ZNF771: variants seen among roughly 807,000 people sequenced by gnomAD.
The protein encoded by ZNF771 is zinc finger protein 771, also known as mesenchymal stem cell protein DSC43.
A neutral mutation model predicts 27.6 loss-of-function variants in ZNF771; 10 were observed. That is an observed-to-expected ratio of 0.36 (90% CI 0.22 to 0.61). The LOEUF is 0.61. Among genes scored for constraint, ZNF771 ranks in the 20% least tolerant of loss-of-function variants. The probability of loss-of-function intolerance (pLI) is 0.70; values close to 1 mark genes in which losing one functional copy is unlikely to be tolerated. For synonymous variants in ZNF771, 261 were observed against 225.2 expected (o/e 1.16, Z -1.43); for missense variants, 438 against 503.7 (o/e 0.87, Z 1.25).
Position 30,417,848 on chromosome 16 carries a change from G to A in ZNF771, c.435G>A (p.Lys145=), listed in dbSNP as rs1257329008. 4.6e-6 allele frequency: 7 copies of A among 1,506,268 alleles called. No homozygotes were observed. In the African/African-American group the frequency reaches 8.7e-5, roughly 19 times the overall value. 93.3% of individuals were successfully genotyped at this position (1,506,268 alleles called of 1,614,324 possible). A position where few individuals can be genotyped will look rare whatever the true frequency, so the allele number is the denominator to read the frequency against. The change falls in exon 3 of 3, where the codon AAG becomes AAA. Residue 145 remains lysine, a synonymous_variant. Coordinates refer to ENST00000319296, the MANE Select transcript of ZNF771 (RefSeq NM_001142305.2). ...ACCGGCGGCGGCACACGGGCGAGAA[G>A]CCGTACGCATGCGCGCACTGCGGCC... ...RQHRRRHTGE[K]PYACAHCGRR...
At chr16:30,411,054 C>T (rs1450496099) in intron 2 of ZNF771, among the ~76,000 whole-genome samples, 1 of 151,300 alleles carries the variant, frequency 6.6e-6, no homozygotes, top group Non-Finnish European at 1.5e-5. Context: ...CGTGGTGGCT[C>T]ATGCCTGTAA....
Position 30,418,196 on chromosome 16 carries a change from C to T in ZNF771, c.783C>T (p.Cys261=). 1 of 1,505,020 alleles carries T rather than the reference C, an allele frequency of 6.6e-7. No individual in the cohort carries two copies. The highest frequency in any genetic ancestry group is 8.8e-7 in the Non-Finnish European group (1 of 1,133,646). The allele number at this position is 1,505,020 out of a possible 1,614,324, so 93.2% of individuals were successfully genotyped here. ...RTHTGERPYP[C]AECGRRFRLS... is the part of the protein sequence containing the mutation. ...ACACAGGCGAGCGGCCCTACCCCTG[C>T]GCCGAGTGCGGCCGCCGCTTCCGCC... Residue 261 remains cysteine (C), a synonymous_variant, in exon 3 of 3, where the codon TGC becomes TGT. Coordinates refer to ENST00000319296, the MANE Select transcript of ZNF771 (RefSeq NM_001142305.2).
rs973743186 is a variant in ZNF771 at position 30,417,632 on chromosome 16, G to T, written c.219G>T (p.Ala73=). The change falls in exon 3 of 3, where the codon GCG becomes GCT. Residue 73 remains alanine, a synonymous_variant. Transcript: ENST00000319296. ...HACPDCGRAF[A]RRSTLAKHAR... The stretch of plus-strand genomic sequence containing the variant: ...GCCCCGACTGCGGCCGCGCCTTCGC[G>T]CGCCGCTCCACGCTGGCGAAGCACG... 7.5e-6 allele frequency: 10 copies of T among 1,325,630 alleles called. No homozygotes were observed. In the African/African-American group the frequency reaches 1.5e-4, roughly 20 times the overall value. The allele number at this position is 1,325,630 out of a possible 1,614,324, so 82.1% of individuals were successfully genotyped here. A position where few individuals can be genotyped will look rare whatever the true frequency, so the allele number is the denominator to read the frequency against.
Position 30,418,102 on chromosome 16 carries a change from C to T in ZNF771, c.689C>T (p.Pro230Leu). The T allele has an allele frequency of 4.1e-6, 6 of 1,480,352 alleles. No individual in the cohort carries two copies. The highest frequency in any genetic ancestry group is 1.3e-5 in the South Asian group (1 of 77,384). The allele number at this position is 1,480,352 out of a possible 1,614,324, so 91.7% of individuals were successfully genotyped here. A position where few individuals can be genotyped will look rare whatever the true frequency, so the allele number is the denominator to read the frequency against. ...CGGCGCGTGCACACGGGCGAGAAGC[C>T]GCACCGCTGCGCTGTGTGTGGCCGT... ...KHRRVHTGEKPHRCAVCGRRF... is the reference protein window; with the variant it reads ...KHRRVHTGEKLHRCAVCGRRF... Residue 230 changes from proline (P) to leucine (L), a missense_variant, in exon 3 of 3, where the codon CCG (proline) becomes CTG (leucine). Physicochemically the swap from Pro to Leu is moderately conservative, Grantham distance 98. Around this residue, in one of 3 missense-constraint regions of ZNF771, gnomAD observed 305 missense variants for 308.0 expected, o/e 0.99. Coordinates refer to ENST00000319296, the MANE Select transcript of ZNF771 (RefSeq NM_001142305.2).
chr16:30,410,033 T>C (rs751725773), intron 2 of ZNF771, among the ~76,000 whole-genome samples: 15 of 152,114 alleles, frequency 9.9e-5, no homozygotes, highest in Non-Finnish European at 2.1e-4. Context: ...ACGGAAATAG[T>C]TGCTGTTACA....
rs2050087415 is a variant in ZNF771, at chr16:30,408,228, C to T, written c.141+34C>T. 5 of 1,612,998 alleles carry T rather than the reference C, an allele frequency of 3.1e-6. No individual in the cohort carries two copies. The South Asian group carries it at 5.5e-5, about 18-fold the overall frequency. On this transcript the variant is annotated intron_variant, in intron 2 of 2. Coordinates refer to ENST00000319296, the MANE Select transcript of ZNF771 (RefSeq NM_001142305.2). ...CACACACACCCTGGGGCACACTGTCCCCAAACCTGGTCCAGGCCCAGCCTC... is the reference window on the plus strand; with the variant it reads ...CACACACACCCTGGGGCACACTGTCTCCAAACCTGGTCCAGGCCCAGCCTC...
Position 30,408,062 on chromosome 16 carries a change from C to A in ZNF771, c.9C>A (p.Gly3=). 6.3e-7 allele frequency: 1 copy of A among 1,580,188 alleles called. No homozygotes were observed. Among genetic ancestry groups the A allele is most frequent in the South Asian group, 1.1e-5 (1 of 87,672 alleles). MP[G]EQQAEEEEEE... ...CGCCTCAGGACACCAAGATGCCTGG[C>A]GAACAGCAGGCAGAGGAAGAGGAGG... Residue 3 remains glycine (G), a synonymous_variant, in exon 2 of 3, where the codon GGC becomes GGA. Coordinates refer to ENST00000319296, the MANE Select transcript of ZNF771 (RefSeq NM_001142305.2).
intron 2 of ZNF771, among the ~76,000 whole-genome samples, chr16:30,409,188 C>T (rs1463704686): frequency 6.6e-6 from 1 of 152,072 alleles, no homozygotes; most frequent in African/African-American, 2.4e-5. Flanking sequence ...GTTGGCCAGA[C>T]TGGTCTCAAA....
Position 30,418,226 on chromosome 16 carries a change from C to T in ZNF771, c.813C>T (p.Ser271=), listed in dbSNP as rs1383887626. The T allele has an allele frequency of 8.6e-6, 13 of 1,515,494 alleles. No individual in the cohort carries two copies. Among genetic ancestry groups the T allele is most frequent in the East Asian group, 2.6e-5 (1 of 37,982 alleles). The allele number at this position is 1,515,494 out of a possible 1,614,324, so 93.9% of individuals were successfully genotyped here. A position where few individuals can be genotyped will look rare whatever the true frequency, so the allele number is the denominator to read the frequency against. ...AGTGCGGCCGCCGCTTCCGCCTAAG[C>T]TCGCACTTCATTCGCCACCGACGCG... The part of the protein sequence containing the change: ...CAECGRRFRL[S]SHFIRHRRAH... Residue 271 remains serine, a synonymous_variant, in exon 3 of 3, where the codon AGC becomes AGT. Coordinates refer to ENST00000319296, the MANE Select transcript of ZNF771 (RefSeq NM_001142305.2).
At chr16:30,413,676 C>T in intron 2 of ZNF771, 2 of 350,694 alleles carry the variant, frequency 5.7e-6, no homozygotes, top group Non-Finnish European at 1.2e-5. Context: ...CTCAAGTGAT[C>T]CTCCTTCCTC....
intron 2 of ZNF771, among the ~76,000 whole-genome samples, chr16:30,410,084 A>G (rs951329951): frequency 3.3e-5 from 5 of 151,694 alleles, no homozygotes; most frequent in African/African-American, 1.2e-4. Context: ...GGGCAAGGTC[A>G]TCCTTCTTGA....
In ZNF771 at chr16:30,418,124, C is replaced by T; in HGVS notation, c.711C>T (p.Gly237=). The T allele has an allele frequency of 6.8e-7, 1 of 1,478,268 alleles. No homozygotes were observed. Among genetic ancestry groups the T allele is most frequent in the Admixed American group, 2.4e-5 (1 of 42,460 alleles). 91.6% of individuals were successfully genotyped at this position (1,478,268 alleles called of 1,614,324 possible). ...AGCCGCACCGCTGCGCTGTGTGTGG[C>T]CGTCGCTTCGGCCACCGCTCCAACC... ...GEKPHRCAVC[G]RRFGHRSNLA... is the part of the protein sequence containing the mutation. Residue 237 remains glycine (G), a synonymous_variant, in exon 3 of 3, where the codon GGC becomes GGT. Transcript: ENST00000319296.
In ZNF771 at chr16:30,417,440, T is replaced by C. The variant is rs558480922; in HGVS notation, c.142-115T>C. On this transcript the variant is annotated intron_variant, in intron 2 of 2. Transcript: ENST00000319296. ...CATCCTGGGAGGCAGCACCGTGGCC[T>C]TTCCTATTTCATAGATGGGGAACTG... The C allele has an allele frequency of 2.8e-4, 194 of 682,508 alleles. No homozygotes were observed. In the African/African-American group the frequency reaches 3.1e-3, roughly 11 times the overall value. 42.3% of individuals were successfully genotyped at this position (682,508 alleles called of 1,614,324 possible). A position where few individuals can be genotyped will look rare whatever the true frequency, so the allele number is the denominator to read the frequency against.
chr16:30,410,609 A>G (rs1035436269), intron 2 of ZNF771, among the ~76,000 whole-genome samples: 1 of 152,124 alleles, frequency 6.6e-6, no homozygotes, highest in Non-Finnish European at 1.5e-5. Context: ...AGGAGGAAAC[A>G]GCAAAAACAA....
chr16:30,416,592 G>GAGAA (rs1432262068), intron 2 of ZNF771, among the ~76,000 whole-genome samples: 14 of 152,258 alleles, frequency 9.2e-5, no homozygotes, highest in African/African-American at 3.1e-4. Context: ...TCTGTCACCT[G>GAGAA]GGTATGAGCC....
chr16:30,418,253 G>A lies in ZNF771; in HGVS notation c.840G>A (p.Ala280=). 1 of 1,513,476 alleles carries A rather than the reference G, an allele frequency of 6.6e-7. No homozygotes were observed. Among genetic ancestry groups the A allele is most frequent in the Non-Finnish European group, 8.8e-7 (1 of 1,137,632 alleles). 93.8% of individuals were successfully genotyped at this position (1,513,476 alleles called of 1,614,324 possible). Residue 280 remains alanine, a synonymous_variant, in exon 3 of 3, where the codon GCG becomes GCA. Coordinates refer to ENST00000319296, the MANE Select transcript of ZNF771 (RefSeq NM_001142305.2). Reference sequence around the variant, plus strand: ...CGCACTTCATTCGCCACCGACGCGCGCACATGCGGCGCCGCCTGTATATTT... The same window carrying A: ...CGCACTTCATTCGCCACCGACGCGCACACATGCGGCGCCGCCTGTATATTT... ...LSSHFIRHRR[A]HMRRRLYICA...
chr16:30,416,124 T>C (rs751140458), intron 2 of ZNF771, among the ~76,000 whole-genome samples: 2 of 152,164 alleles, frequency 1.3e-5, no homozygotes, highest in Non-Finnish European at 2.9e-5. Context: ...TCAAAGCTGA[T>C]TAAGAGCCTG....
Position 30,418,239 on chromosome 16 carries a change from C to T in ZNF771, c.826C>T (p.Arg276Cys), listed in dbSNP as rs1212405837. 2.0e-6 allele frequency: 3 copies of T among 1,515,782 alleles called. No homozygotes were observed. The highest frequency in any genetic ancestry group is 2.6e-5 in the East Asian group (1 of 38,072). The allele number at this position is 1,515,782 out of a possible 1,614,324, so 93.9% of individuals were successfully genotyped here. ...CTTCCGCCTAAGCTCGCACTTCATTCGCCACCGACGCGCGCACATGCGGCG... is the reference window on the plus strand; with the variant it reads ...CTTCCGCCTAAGCTCGCACTTCATTTGCCACCGACGCGCGCACATGCGGCG... ...RRFRLSSHFI[R>C]HRRAHMRRRL... Residue 276 changes from arginine (R) to cysteine (C), a missense_variant, in exon 3 of 3, where the codon CGC becomes TGC. By Grantham distance (180) the Arg-to-Cys change is radical. Transcript: ENST00000319296.
intron 2 of ZNF771, among the ~76,000 whole-genome samples, chr16:30,410,230 G>C (rs1475879310): frequency 6.6e-6 from 1 of 151,974 alleles, no homozygotes; most frequent in African/African-American, 2.4e-5. Context: ...AGTCTCCTGA[G>C]TAGCTGGGAT....
Sources: gnomAD v4.1 joint callset for allele counts (sites outside exome capture counted in the v4.1 genomes callset) on GRCh38, gnomAD v4.1.1 for gene constraint, gnomAD v4.1.1 regional missense constraint, MANE v1.5 for transcripts, NCBI Gene and HGNC (gene_info 2026-07-23, HGNC 2026-07-21) for gene names.